Variants in IFI35 observed in about 807,000 individuals in gnomAD.
The protein encoded by IFI35 is interferon-induced 35 kDa protein.
A neutral mutation model predicts 28.6 loss-of-function variants in IFI35; 30 were observed. The ratio of observed to expected loss-of-function variants is 1.05; its 90% CI spans 0.79 to 1.43. The LOEUF is 1.43. Among genes scored for constraint, IFI35 ranks in the 40% most tolerant of loss-of-function variants. The probability of loss-of-function intolerance (pLI) is 0.00; values close to 1 mark genes in which losing one functional copy is unlikely to be tolerated. For missense variants in IFI35, 372 were observed against 356.9 expected (o/e 1.04, Z -0.34); for synonymous variants, 146 against 154.8 (o/e 0.94, Z 0.42).
chr17:43,009,022 A>G (rs1202123295), intron 1 of IFI35, among the ~76,000 whole-genome samples: 1 of 151,468 alleles, frequency 6.6e-6, no homozygotes, highest in East Asian at 2.0e-4. Context: ...TGGAGACAAG[A>G]TCTCACTGTT....
chr17:43,013,314 G>C lies in IFI35; in HGVS notation c.316G>C (p.Glu106Gln), dbSNP rs1417549605. ...QQKEHTINMEECRLRVQVQPL... is the reference protein window; with the variant it reads ...QQKEHTINMEQCRLRVQVQPL... The stretch of plus-strand genomic sequence containing the variant: ...AAAGGAGCACACGATCAACATGGAG[G>C]AGTGCCGGCTGCGGGTGCAGGTCCA... Residue 106 changes from glutamate (E) to glutamine (Q), a missense_variant, in exon 4 of 7, where the codon GAG becomes CAG. Transcript: ENST00000415816. The C allele has an allele frequency of 1.2e-6, 2 of 1,614,152 alleles. No homozygotes were observed. The highest frequency in any genetic ancestry group is 3.3e-5 in the Admixed American group (2 of 60,018).
intron 2 of IFI35, 62 bp from the exon 3 acceptor site, chr17:43,012,985 C>T (rs148146663): frequency 4.6e-6 from 7 of 1,516,400 alleles, no homozygotes; most frequent in Middle Eastern, 1.7e-4. Flanking sequence ...GGAATGGAAT[C>T]GGAGATGCCT....
chr17:43,007,070 C>G (rs2050414019), intron 1 of IFI35, 102 bp downstream of exon 1: 6 of 1,277,780 alleles, frequency 4.7e-6, no homozygotes, highest in Non-Finnish European at 6.9e-6. Context: ...CCTCACCCTG[C>G]CCATCTCAGA....
At chr17:43,010,756 T>C (rs2050451071) in intron 1 of IFI35, among the ~76,000 whole-genome samples, 1 of 152,250 alleles carries the variant, frequency 6.6e-6, no homozygotes. Context: ...ACTTCATTTC[T>C]TCATTCAACA....
At chr17:43,013,448 G>A (rs1257946025) in intron 4 of IFI35, 28 bp from the exon 5 acceptor site, 1 of 1,613,320 alleles carries the variant, frequency 6.2e-7, no homozygotes, top group Admixed American at 1.7e-5. Flanking sequence ...AGCTGTGTCT[G>A]GGACCACCCC....
intron 1 of IFI35, among the ~76,000 whole-genome samples, chr17:43,011,285 G>A (rs1474027825): frequency 4.6e-5 from 7 of 152,150 alleles, no homozygotes; most frequent in African/African-American, 1.2e-4. Context: ...TTAGGAGGCC[G>A]AGGCGGGCAG....
At chr17:43,011,151 G>A (rs1046291936) in intron 1 of IFI35, among the ~76,000 whole-genome samples, 5 of 152,164 alleles carry the variant, frequency 3.3e-5, no homozygotes, top group Admixed American at 2.0e-4. Context: ...GTGGGCTCTG[G>A]AGTCAGACAG....
At position 43,006,892 on chromosome 17, in the gene IFI35, TCTGC is replaced by T; in HGVS notation, c.-54_-51del. On this transcript the variant is annotated 5_prime_UTR_variant, in exon 1 of 7. Coordinates refer to ENST00000415816, the MANE Select transcript of IFI35 (RefSeq NM_001330230.2). ...AAACAAGAGTTCAGTTGCTGTGAAT[TCTGC>T]CACTGTGCCCAGCTCTGAAGCCTCA... 6.2e-7 allele frequency: 1 copy of T among 1,605,242 alleles called. No individual in the cohort carries two copies. Among genetic ancestry groups the T allele is most frequent in the Non-Finnish European group, 8.5e-7 (1 of 1,171,960 alleles).
chr17:43,013,608 G>T lies in IFI35; in HGVS notation c.508G>T (p.Asp170Tyr), dbSNP rs1567744197. Reference protein sequence around the residue: ...GKTRNGGGDVDVRELLPGSVM... With the variant: ...GKTRNGGGDVYVRELLPGSVM... ...GACTAGGAACGGAGGTGGCGATGTG[G>T]ACGTTCGGGAGCTACTGCCAGGGAG... The change falls in exon 5 of 7, where the codon GAC becomes TAC. Residue 170 changes from aspartate to tyrosine, a missense_variant. Physicochemically the swap from Asp to Tyr is radical, Grantham distance 160 (BLOSUM62 -3). Transcript: ENST00000415816. The T allele has an allele frequency of 6.2e-7, 1 of 1,614,170 alleles. No individual in the cohort carries two copies. Among genetic ancestry groups the T allele is most frequent in the African/African-American group, 1.3e-5 (1 of 75,052 alleles).
rs147582201 is a variant in IFI35, at chr17:43,013,373, G to C, written c.375G>C (p.Gln125His). Residue 125 changes from glutamine (Q) to histidine (H), a missense_variant and splice_region_variant, in exon 4 of 7, where the codon CAG becomes CAC. Coordinates refer to ENST00000415816, the MANE Select transcript of IFI35 (RefSeq NM_001330230.2). ...AGCTGCCCATGGTCACCACCATCCAGGTGATGGTATGACAGAATCCTGGGG... is the reference window on the plus strand; with the variant it reads ...AGCTGCCCATGGTCACCACCATCCACGTGATGGTATGACAGAATCCTGGGG... ...PLELPMVTTI[Q>H]MSSQLSGRRV... 8.7e-5 allele frequency: 141 copies of C among 1,613,738 alleles called. 1 individual carries two copies. In the African/African-American group the frequency reaches 1.7e-3, roughly 20 times the overall value.
chr17:43,012,871 T>C, intron 2 of IFI35, 176 bp from the exon 3 acceptor site: 3 of 681,318 alleles, frequency 4.4e-6, no homozygotes, highest in Non-Finnish European at 7.7e-6. Context: ...CAAATTAAGA[T>C]GTTGTATGTA....
intron 1 of IFI35, 135 bp downstream of exon 1, chr17:43,007,103 A>G: frequency 1.0e-6 from 1 of 972,194 alleles, no homozygotes; most frequent in Non-Finnish European, 1.7e-6. Context: ...CTGGGGAGAA[A>G]CACAGGGCTG....
At chr17:43,011,515 T>A (rs1269988664) in intron 1 of IFI35, among the ~76,000 whole-genome samples, 6 of 151,308 alleles carry the variant, frequency 4.0e-5, no homozygotes, top group Non-Finnish European at 8.8e-5. Flanking sequence ...CAAGACTCTG[T>A]CTCAAAAATA....
chr17:43,013,829 C>G lies in IFI35; in HGVS notation c.616C>G (p.Gln206Glu), dbSNP rs748294501. 1.9e-6 allele frequency: 3 copies of G among 1,611,812 alleles called. No homozygotes were observed. Among genetic ancestry groups the G allele is most frequent in the East Asian group, 2.2e-5 (1 of 44,858 alleles). The change falls in exon 6 of 7, where the codon CAA becomes GAA. Residue 206 changes from glutamine (Q) to glutamate (E), a missense_variant. By Grantham distance (29) the Gln-to-Glu change is conservative (BLOSUM62 2). Coordinates refer to ENST00000415816, the MANE Select transcript of IFI35 (RefSeq NM_001330230.2). Reference protein sequence around the residue: ...GQFTVPLGGQQVPLRVSPYVN... With the variant: ...GQFTVPLGGQEVPLRVSPYVN... ...GTTCACAGTGCCACTGGGTGGGCAGCAAGTCCCTCTGAGAGTCTCTCCGTA... is the reference window on the plus strand; with the variant it reads ...GTTCACAGTGCCACTGGGTGGGCAGGAAGTCCCTCTGAGAGTCTCTCCGTA...
At position 43,006,986 on chromosome 17, in the gene IFI35, A is replaced by G. The variant is rs2050413235; in HGVS notation, c.21+18A>G. 3 of 1,613,520 alleles carry G rather than the reference A, an allele frequency of 1.9e-6. No homozygotes were observed. Among genetic ancestry groups the G allele is most frequent in the Non-Finnish European group, 2.5e-6 (3 of 1,179,556 alleles). On this transcript the variant is annotated intron_variant, in intron 1 of 6. Transcript: ENST00000415816. ...TGGATGCCGTAAGTGAGGAGGAGGG[A>G]GTTGGGAAGTGGGGAAACAGGAGTA...
chr17:43,013,784 C>CCAATTTGCACCCCACA lies in IFI35; in HGVS notation c.571_572insCAATTTGCACCCCACA (p.Arg191ProfsTer38). ...CTCCTTGCTCCCCACAGTGGCTCAG[C>CCAATTTGCACCCCACA]GTCTGTGCCAAATCGGCCAGTTCAC... On this transcript the variant is annotated frameshift_variant, in exon 6 of 7. Transcript: ENST00000415816. LOFTEE classifies it high-confidence loss of function. The CCAATTTGCACCCCACA allele has an allele frequency of 6.2e-7, 1 of 1,613,110 alleles. No individual in the cohort carries two copies. The highest frequency in any genetic ancestry group is 1.7e-5 in the Admixed American group (1 of 59,846).
chr17:43,009,028 CT>C (rs2050434768), intron 1 of IFI35, among the ~76,000 whole-genome samples: 1 of 152,038 alleles, frequency 6.6e-6, no homozygotes, highest in Admixed American at 6.5e-5. Context: ...CAAGATCTCA[CT>C]GTTTTTTCCA....
At chr17:43,012,088 G>A in intron 1 of IFI35, 91 bp from the exon 2 acceptor site, 1 of 877,540 alleles carries the variant, frequency 1.1e-6, no homozygotes, top group East Asian at 2.8e-5. Flanking sequence ...CTCTGCTTTT[G>A]GAGCGTCCAG....
In IFI35 at chr17:43,012,268, C is replaced by T. The variant is rs181113428; in HGVS notation, c.111C>T (p.Pro37=). Residue 37 remains proline, a synonymous_variant, in exon 2 of 7, where the codon CCC becomes CCT. Coordinates refer to ENST00000415816, the MANE Select transcript of IFI35 (RefSeq NM_001330230.2). ...TGAGAAAGGAGCTCGGGGACTCCCC[C>T]AAAGACAAGGTAAGGTGGGAGATCT... ...QQLRKELGDS[P]KDKVPFSVPK... is the part of the protein sequence containing the mutation. 1.8e-4 allele frequency: 288 copies of T among 1,568,988 alleles called. No individual in the cohort carries two copies. Among genetic ancestry groups the T allele is most frequent in the Admixed American group, 3.4e-4 (18 of 53,222 alleles).
Sources: allele counts gnomAD v4.1 joint callset (sites outside exome capture counted in the v4.1 genomes callset), GRCh38; gene constraint gnomAD v4.1.1; transcripts MANE v1.5; gene names NCBI Gene and HGNC (gene_info 2026-07-23, HGNC 2026-07-21).